The following TBCCD1 variants were observed in gnomAD, a reference collection of about 807,000 sequenced individuals.
TBCCD1 encodes the protein TBCC domain containing 1, also known as TBCC domain-containing protein 1.
A neutral mutation model predicts 53.4 loss-of-function variants in TBCCD1; 26 were observed. That is an observed-to-expected ratio of 0.49 (90% CI 0.36 to 0.68). TBCCD1 has a LOEUF of 0.68. Ranked by LOEUF, TBCCD1 falls within the 30% of genes least tolerant of loss-of-function variation. The pLI, the probability that TBCCD1 is intolerant of heterozygous loss-of-function variation, is 0.00. For synonymous variants in TBCCD1, 245 were observed against 241.7 expected, an observed-to-expected ratio of 1.01 and a Z score of -0.13; for missense variants, 558 against 669.5, an observed-to-expected ratio of 0.83 and a Z score of 1.84.
intron 2 of TBCCD1, among the ~76,000 whole-genome samples, chr3:186,561,723 A>C (rs1714694696): frequency 6.6e-6 from 1 of 152,158 alleles, no homozygotes; most frequent in African/African-American, 2.4e-5. Flanking sequence ...TGGGAGGTGG[A>C]GCTTGCAATG....
At chr3:186,550,587 A>G (rs1173091306) in intron 7 of TBCCD1, among the ~76,000 whole-genome samples, 1 of 146,616 alleles carries the variant, frequency 6.8e-6, no homozygotes, top group African/African-American at 2.5e-5. Context: ...CTCAGTCTCA[A>G]AAAAAAAAAA....
At chr3:186,564,435 G>C in intron 1 of TBCCD1, 63 bp from the exon 2 acceptor site, 2 of 1,116,710 alleles carry the variant, frequency 1.8e-6, no homozygotes, top group African/African-American at 3.1e-5. Context: ...ATTTTTTCTT[G>C]GAAGGTGACC....
At chr3:186,561,850 C>T (rs1333641737) in intron 2 of TBCCD1, among the ~76,000 whole-genome samples, 2 of 152,126 alleles carry the variant, frequency 1.3e-5, no homozygotes, top group African/African-American at 4.8e-5. Flanking sequence ...AACTACCATA[C>T]GATCTAGCAA....
chr3:186,559,719 T>A (rs1413072097), intron 2 of TBCCD1, among the ~76,000 whole-genome samples: 1 of 152,208 alleles, frequency 6.6e-6, no homozygotes, highest in Non-Finnish European at 1.5e-5. Context: ...ATTTTTACTT[T>A]CTTAATTGAA....
intron 6 of TBCCD1, among the ~76,000 whole-genome samples, chr3:186,553,144 G>A (rs1436743899): frequency 1.3e-5 from 2 of 152,148 alleles, no homozygotes; most frequent in African/African-American, 4.8e-5. Flanking sequence ...TGGGATCACT[G>A]TGGATCTCAC....
rs761120043 is a variant in TBCCD1 at position 186,556,610 on chromosome 3, T to C, written c.658A>G (p.Ile220Val). 6.8e-6 allele frequency: 11 copies of C among 1,614,202 alleles called. No individual in the cohort carries two copies. The East Asian group carries it at 8.9e-5, about 13-fold the overall frequency. ...VALSFLIEGT[I>V]SRARKIYPLH... is the part of the protein sequence containing the mutation. Reference sequence around the variant, plus strand: ...GGATAGATCTTCCTGGCTCTACTTATTGTACCTTCAATAAGGAAGCTGAGC... The same window carrying C: ...GGATAGATCTTCCTGGCTCTACTTACTGTACCTTCAATAAGGAAGCTGAGC... Residue 220 changes from isoleucine to valine, a missense_variant, in exon 4 of 8, where the codon ATA (isoleucine) becomes GTA (valine). Ile to Val is a conservative substitution (Grantham distance 29). Coordinates refer to ENST00000338733, the MANE Select transcript of TBCCD1 (RefSeq NM_018138.5).
At chr3:186,570,518 C>A (rs1032531944), upstream of TBCCD1, 1 of 489,440 alleles carries the variant, frequency 2.0e-6, no homozygotes, top group Non-Finnish European at 3.6e-6. Context: ...AGAGCGGGTT[C>A]CTGCAGCGGC....
intron 2 of TBCCD1, among the ~76,000 whole-genome samples, chr3:186,560,901 C>T (rs187041045): frequency 1.3e-5 from 2 of 152,278 alleles, no homozygotes; most frequent in African/African-American, 4.8e-5. Flanking sequence ...ATAAATGATG[C>T]TGAGAAAACT....
At chr3:186,557,156 A>C (rs1313140898) in intron 3 of TBCCD1, among the ~76,000 whole-genome samples, 1 of 152,224 alleles carries the variant, frequency 6.6e-6, no homozygotes, top group East Asian at 1.9e-4. Context: ...AGTTACTCAG[A>C]GAGGTCGTGC....
chr3:186,569,872 C>T (rs898333388), upstream of TBCCD1, among the ~76,000 whole-genome samples: 1 of 152,094 alleles, frequency 6.6e-6, no homozygotes, highest in African/African-American at 2.4e-5. Flanking sequence ...TTGTCCTGAT[C>T]AACTAGGTGT....
rs941948568 is a variant in TBCCD1, at chr3:186,546,524, T to C, written c.*453A>G. The C allele has an allele frequency of 2.6e-5, 4 of 152,130 alleles. No individual in the cohort carries two copies. Among genetic ancestry groups the C allele is most frequent in the East Asian group, 1.9e-4 (1 of 5,196 alleles). The allele number at this position is 152,130 out of a possible 1,614,324, so 9.4% of individuals were successfully genotyped here. Reference sequence around the variant, plus strand: ...GTAATAAATGAAAATGGAATGGAAATCAAAGTTCTTAAATAGAACAGAAGG... The same window carrying C: ...GTAATAAATGAAAATGGAATGGAAACCAAAGTTCTTAAATAGAACAGAAGG... On this transcript the variant is annotated 3_prime_UTR_variant, in exon 8 of 8. Transcript: ENST00000338733.
intron 6 of TBCCD1, among the ~76,000 whole-genome samples, chr3:186,552,236 A>G (rs1714402336): frequency 1.3e-5 from 2 of 152,164 alleles, no homozygotes. Context: ...CAAAGGTTCC[A>G]AAGTGAGAGC....
Position 186,554,557 on chromosome 3 carries a change from A to G in TBCCD1, c.1241T>C (p.Val414Ala). The G allele has an allele frequency of 6.2e-7, 1 of 1,614,244 alleles. No individual in the cohort carries two copies. The highest frequency in any genetic ancestry group is 8.5e-7 in the Non-Finnish European group (1 of 1,180,042). ...RPLILSGNQT[V>A]TFAPFHTHYP... ...ATGTGTATGAAAAGGGGCAAAAGTTACTGTCTGGTTCCCAGAGAGAATAAG... is the reference window on the plus strand; with the variant it reads ...ATGTGTATGAAAAGGGGCAAAAGTTGCTGTCTGGTTCCCAGAGAGAATAAG... Residue 414 changes from valine to alanine, a missense_variant, in exon 6 of 8, where the codon GTA (valine) becomes GCA (alanine). Val to Ala is a moderately conservative substitution (Grantham distance 64, BLOSUM62 0). Transcript: ENST00000338733.
intron 3 of TBCCD1, 68 bp from the exon 4 acceptor site, chr3:186,556,843 T>A: frequency 6.6e-6 from 10 of 1,506,338 alleles, no homozygotes; most frequent in Non-Finnish European, 8.9e-6. Context: ...TTCTATATTT[T>A]AATTATTTTG....
chr3:186,566,673 G>T (rs1714841384), intron 1 of TBCCD1, among the ~76,000 whole-genome samples: 1 of 152,206 alleles, frequency 6.6e-6, no homozygotes, highest in South Asian at 2.1e-4. Flanking sequence ...AGTGGATCCA[G>T]AAGAGAATTT....
At chr3:186,551,816 A>C (rs1714389600) in intron 6 of TBCCD1, among the ~76,000 whole-genome samples, 1 of 152,162 alleles carries the variant, frequency 6.6e-6, no homozygotes, top group Non-Finnish European at 1.5e-5. Flanking sequence ...CTCTACAAAA[A>C]ATATAAAAAT....
At chr3:186,568,371 CG>C (rs1353552090), upstream of TBCCD1, among the ~76,000 whole-genome samples, 1 of 150,180 alleles carries the variant, frequency 6.7e-6, no homozygotes, top group Non-Finnish European at 1.5e-5. Context: ...AAAATTGGGG[CG>C]GGGGGTCAGG....
Position 186,556,549 on chromosome 3 carries a change from G to C in TBCCD1, c.719C>G (p.Ala240Gly). ...HELALWQPLHADSGFSKISKT... is the reference protein window; with the variant it reads ...HELALWQPLHGDSGFSKISKT... Reference sequence around the variant, plus strand: ...AGAGATCTTTGAGAAGCCACTATCTGCATGCAGTGGTTGCCACAGTGCAAG... The same window carrying C: ...AGAGATCTTTGAGAAGCCACTATCTCCATGCAGTGGTTGCCACAGTGCAAG... Residue 240 changes from alanine (A) to glycine (G), a missense_variant, in exon 4 of 8, where the codon GCA becomes GGA. Transcript: ENST00000338733. 1 of 1,614,008 alleles carries C rather than the reference G, an allele frequency of 6.2e-7. No individual in the cohort carries two copies. The highest frequency in any genetic ancestry group is 8.5e-7 in the Non-Finnish European group (1 of 1,179,972).
In TBCCD1 at chr3:186,556,782, A is replaced by C; in HGVS notation, c.493-7T>G. The C allele has an allele frequency of 6.2e-7, 1 of 1,602,912 alleles. No individual in the cohort carries two copies. ...GACTGTAATCATTCCAGTTCTAAAAAAAAGTTAAAAGAAAGCACTCTTAAT... is the reference window on the plus strand; with the variant it reads ...GACTGTAATCATTCCAGTTCTAAAACAAAGTTAAAAGAAAGCACTCTTAAT... On this transcript the variant is annotated splice_polypyrimidine_tract_variant and splice_region_variant and intron_variant, in intron 3 of 7. Transcript: ENST00000338733.
Sources: allele counts gnomAD v4.1 joint callset (sites outside exome capture counted in the v4.1 genomes callset), GRCh38; gene constraint gnomAD v4.1.1; transcripts MANE v1.5; gene names NCBI Gene and HGNC (gene_info 2026-07-23, HGNC 2026-07-21).